RFX2: variants seen among roughly 807,000 people sequenced by gnomAD.
RFX2 encodes DNA-binding protein RFX2.
Under a neutral mutation model 87.8 loss-of-function variants are expected in RFX2, and 20 were observed. The observed-to-expected ratio is 0.23, with a 90% CI of 0.16 to 0.33. The LOEUF is 0.33. Among genes scored for constraint, RFX2 ranks in the 10% least tolerant of loss-of-function variants. The pLI, the probability that RFX2 is intolerant of heterozygous loss-of-function variation, is 1.00. For missense variants in RFX2, 767 were observed against 1,012.3 expected, an observed-to-expected ratio of 0.76 and a Z score of 3.29; for synonymous variants, 397 against 431.3, an observed-to-expected ratio of 0.92 and a Z score of 0.98.
rs1186987912 is a variant in RFX2 at position 6,004,988 on chromosome 19, G to A, written c.1403-690C>T. On this transcript the variant is annotated intron_variant, in intron 12 of 17. Coordinates refer to ENST00000303657, the MANE Select transcript of RFX2 (RefSeq NM_000635.4). This position sits in a 1 kb window ranked among gnomAD's most constrained non-coding sequence, Gnocchi z 4.8. ...ACAAAAATGATCTGGACGTGGCGGT[G>A]GGTGCCTGTAGTCCCAGCTATTTGG... Among the ~76,000 whole-genome samples the A allele has an allele frequency of 6.6e-6, 1 of 151,956 alleles. No individual in the cohort carries two copies. The highest frequency in any genetic ancestry group is 2.4e-5 in the African/African-American group (1 of 41,362).
At chr19:6,048,960 G>T (rs111523968) in intron 1 of RFX2, among the ~76,000 whole-genome samples, 3,408 of 150,170 alleles carry the variant, frequency 0.023, 138 homozygotes, top group African/African-American at 0.08. Flanking sequence ...TTCTGTGTGA[G>T]CCTGACTCAC....
rs560581476 is a variant in RFX2 at position 5,998,263 on chromosome 19, A to G, written c.1860-1050T>C. On this transcript the variant is annotated intron_variant, in intron 15 of 17. Transcript: ENST00000303657. The surrounding 1 kb of genome is among the most constrained non-coding windows in gnomAD (Gnocchi z 4.2). ...GCGGAGGCTGCAGTGAGCCGAGATC[A>G]TGTCGCTGCACTCTAGCCTGGGTGA... 2.0e-5 allele frequency among the ~76,000 whole-genome samples: 3 copies of G among 152,276 alleles called. No homozygotes were observed. Among genetic ancestry groups the G allele is most frequent in the East Asian group, 3.9e-4 (2 of 5,188 alleles).
chr19:6,106,225 G>A (rs2088214130), intron 1 of RFX2, among the ~76,000 whole-genome samples: 1 of 141,360 alleles, frequency 7.1e-6, no homozygotes, highest in African/African-American at 2.8e-5. Flanking sequence ...TATTCCATCG[G>A]CCTGCCCATC....
chr19:6,040,219 G>C lies in RFX2; in HGVS notation c.283C>G (p.Pro95Ala). 2 of 1,578,794 alleles carry C rather than the reference G, an allele frequency of 1.3e-6. No individual in the cohort carries two copies. The change falls in exon 5 of 18, where the codon CCC becomes GCC. Residue 95 changes from proline (P) to alanine (A), a missense_variant. Coordinates refer to ENST00000303657, the MANE Select transcript of RFX2 (RefSeq NM_000635.4). The surrounding 1 kb of genome is among the most constrained non-coding windows in gnomAD (Gnocchi z 6.1). The part of the protein sequence containing the change: ...GAIRTAYTYN[P>A]EPQMYAPSST... Reference sequence around the variant, plus strand: ...CTGGGGGCGTACATCTGAGGCTCGGGGTTGTAGGTGTAGGCTGTTCGTCTG... The same window carrying C: ...CTGGGGGCGTACATCTGAGGCTCGGCGTTGTAGGTGTAGGCTGTTCGTCTG...
At chr19:6,102,844 G>A (rs1221253568) in intron 1 of RFX2, among the ~76,000 whole-genome samples, 2 of 152,164 alleles carry the variant, frequency 1.3e-5, no homozygotes, top group African/African-American at 2.4e-5. Context: ...GCCTCTTATG[G>A]CCAGGCACAG....
At position 5,997,008 on chromosome 19, in the gene RFX2, C is replaced by CT. The variant is rs2086421738; in HGVS notation, c.2013+51dup. 6.4e-7 allele frequency: 1 copy of CT among 1,563,082 alleles called. No individual in the cohort carries two copies. The highest frequency in any genetic ancestry group is 8.6e-7 in the Non-Finnish European group (1 of 1,157,312). On this transcript the variant is annotated intron_variant, in intron 16 of 17. Coordinates refer to ENST00000303657, the MANE Select transcript of RFX2 (RefSeq NM_000635.4). The surrounding 1 kb of genome is among the most constrained non-coding windows in gnomAD (Gnocchi z 4.2). Reference sequence around the variant, plus strand: ...TGGGCTGCTCAGAGCACACCGCCCTCTCCCCACAGGCCCGGCCAAGCCCCG... The same window carrying CT: ...TGGGCTGCTCAGAGCACACCGCCCTCTTCCCCACAGGCCCGGCCAAGCCCCG...
In RFX2 at chr19:6,011,137, T is replaced by TTAAAATAAAATAAAATAAAA. The variant is rs57004871; in HGVS notation, c.900-906_900-887dup. Among the ~76,000 whole-genome samples the TTAAAATAAAATAAAATAAAA allele has an allele frequency of 4.0e-5, 6 of 151,142 alleles. No homozygotes were observed. Among genetic ancestry groups the TTAAAATAAAATAAAATAAAA allele is most frequent in the African/African-American group, 1.5e-4 (6 of 40,804 alleles). ...GTCTCAAAAAAAATAAATAAATTAA[T>TTAAAATAAAATAAAATAAAA]TAAAATAAAATAAAATAAAATAAAA... On this transcript the variant is annotated intron_variant, in intron 8 of 17. Coordinates refer to ENST00000303657, the MANE Select transcript of RFX2 (RefSeq NM_000635.4). The surrounding 1 kb of genome is among the most constrained non-coding windows in gnomAD (Gnocchi z 4.8).
chr19:6,096,807 A>T (rs866528746), intron 1 of RFX2, among the ~76,000 whole-genome samples: 12 of 152,178 alleles, frequency 7.9e-5, no homozygotes, highest in Admixed American at 6.6e-4. Flanking sequence ...ATTTAATTCA[A>T]CGCACTCCTG....
chr19:6,073,643 CAATT>C (rs2087641185), intron 1 of RFX2: 2 of 265,408 alleles, frequency 7.5e-6, no homozygotes, highest in East Asian at 2.0e-4. Flanking sequence ...AATTTCAAAA[CAATT>C]AAAGATGGAA....
Position 6,016,403 on chromosome 19 carries a change from C to A in RFX2, c.598-132G>T, listed in dbSNP as rs974961293. ...GGATGAGGAAATCCATCTTTTCTTTCTTTTTGAGGCGGAGTCTTGCTCTGT... is the reference window on the plus strand; with the variant it reads ...GGATGAGGAAATCCATCTTTTCTTTATTTTTGAGGCGGAGTCTTGCTCTGT... On this transcript the variant is annotated intron_variant, in intron 6 of 17. Transcript: ENST00000303657. The surrounding 1 kb of genome is among the most constrained non-coding windows in gnomAD (Gnocchi z 5.4). The A allele has an allele frequency of 1.7e-6, 1 of 603,600 alleles. No homozygotes were observed. The highest frequency in any genetic ancestry group is 1.9e-5 in the African/African-American group (1 of 53,198). 37.4% of individuals were successfully genotyped at this position (603,600 alleles called of 1,614,324 possible).
At chr19:6,000,866 G>T (rs1384292386) in intron 15 of RFX2, among the ~76,000 whole-genome samples, 1 of 152,250 alleles carries the variant, frequency 6.6e-6, no homozygotes, top group Non-Finnish European at 1.5e-5. Flanking sequence ...GGGTCACGTG[G>T]GGCCTGTCAG....
Position 6,001,623 on chromosome 19 carries a change from C to A in RFX2, c.1859+192G>T, listed in dbSNP as rs1461275083. Among the ~76,000 whole-genome samples the A allele has an allele frequency of 6.6e-6, 1 of 152,182 alleles. No homozygotes were observed. Among genetic ancestry groups the A allele is most frequent in the Non-Finnish European group, 1.5e-5 (1 of 68,042 alleles). On this transcript the variant is annotated intron_variant, in intron 15 of 17. Transcript: ENST00000303657. The surrounding 1 kb of genome is among the most constrained non-coding windows in gnomAD (Gnocchi z 5.6). ...TTTAGGCCACGGTGGCCTTCTGGGC[C>A]TGCCCCTGGGAGCCGCTGGTCATGA...
At chr19:6,042,198 T>A in intron 3 of RFX2, 75 bp from the exon 4 acceptor site, 1 of 1,263,828 alleles carries the variant, frequency 7.9e-7, no homozygotes, top group Admixed American at 1.7e-5. Context: ...AAGCTAGACG[T>A]GTCTTCTATT....
Position 6,007,227 on chromosome 19 carries a change from G to C in RFX2, c.1248-61C>G. 2 of 1,554,930 alleles carry C rather than the reference G, an allele frequency of 1.3e-6. No homozygotes were observed. Among genetic ancestry groups the C allele is most frequent in the South Asian group, 1.1e-5 (1 of 87,432 alleles). On this transcript the variant is annotated intron_variant, in intron 11 of 17. Transcript: ENST00000303657. This position sits in a 1 kb window ranked among gnomAD's most constrained non-coding sequence, Gnocchi z 8.2. ...GGCCCAGGTGGGCTCACTCAGCCAC[G>C]GGAGCGAGCAGAGAGCCGGGCTGCG...
rs948419651 is a variant in RFX2, at chr19:6,011,837, G to A, written c.899+1149C>T. On this transcript the variant is annotated intron_variant, in intron 8 of 17. Transcript: ENST00000303657. This position sits in a 1 kb window ranked among gnomAD's most constrained non-coding sequence, Gnocchi z 4.8. ...CCAGCACCAGGTGTAAAGGTGCCACGTGGGGCTATTGCAATGTGGCCCCTG... is the reference window on the plus strand; with the variant it reads ...CCAGCACCAGGTGTAAAGGTGCCACATGGGGCTATTGCAATGTGGCCCCTG... 4.6e-5 allele frequency among the ~76,000 whole-genome samples: 7 copies of A among 152,234 alleles called. No individual in the cohort carries two copies. Among genetic ancestry groups the A allele is most frequent in the Admixed American group, 1.3e-4 (2 of 15,292 alleles).
At chr19:6,049,135 C>T (rs530336206) in intron 1 of RFX2, 15 of 152,312 alleles carry the variant, frequency 9.8e-5, no homozygotes, top group African/African-American at 3.6e-4. Flanking sequence ...ACAGAACTGA[C>T]CTTTGGAATT....
intron 1 of RFX2, among the ~76,000 whole-genome samples, chr19:6,095,029 G>A (rs974511545): frequency 2.0e-5 from 3 of 152,122 alleles, no homozygotes; most frequent in African/African-American, 7.2e-5. Context: ...GGAGAATGGT[G>A]TGAACCCAGG....
chr19:6,036,967 GCAA>G (rs2087033866), intron 5 of RFX2, among the ~76,000 whole-genome samples: 1 of 152,088 alleles, frequency 6.6e-6, no homozygotes, highest in African/African-American at 2.4e-5. Flanking sequence ...ATATTTGCAG[GCAA>G]CAAGAAGCTC....
Position 6,010,948 on chromosome 19 carries a change from C to T in RFX2, c.900-697G>A, listed in dbSNP as rs2086652267. Among the ~76,000 whole-genome samples, 1 of 152,006 alleles carries T rather than the reference C, an allele frequency of 6.6e-6. No individual in the cohort carries two copies. The highest frequency in any genetic ancestry group is 1.5e-5 in the Non-Finnish European group (1 of 68,002). ...CCTGACCAACATGGAGTAACCCCGT[C>T]TCTACTAAAAATACAAAATTAGCTG... On this transcript the variant is annotated intron_variant, in intron 8 of 17. Coordinates refer to ENST00000303657, the MANE Select transcript of RFX2 (RefSeq NM_000635.4). The surrounding 1 kb of genome is among the most constrained non-coding windows in gnomAD (Gnocchi z 5.0).
Sources: allele counts gnomAD v4.1 joint callset (sites outside exome capture counted in the v4.1 genomes callset), GRCh38; gene constraint gnomAD v4.1.1; non-coding constraint Gnocchi (gnomAD v3.1); transcripts MANE v1.5; gene names NCBI Gene and HGNC (gene_info 2026-07-23, HGNC 2026-07-21).